ETV6: variants seen among roughly 807,000 people sequenced by gnomAD.
The protein encoded by ETV6 is ETS variant transcription factor 6, also known as transcription factor ETV6.
Under a neutral mutation model 51.1 loss-of-function variants are expected in ETV6, and 16 were observed. The ratio of observed to expected loss-of-function variants is 0.31; its 90% CI spans 0.21 to 0.48. ETV6 has a LOEUF of 0.48. Among genes scored for constraint, ETV6 ranks in the 20% least tolerant of loss-of-function variants. ETV6 has a pLI of 0.99. For missense variants in ETV6, 458 were observed against 594.8 expected (o/e 0.77, Z 2.39); for synonymous variants, 240 against 224.1 (o/e 1.07, Z -0.64).
chr12:11,886,140 C>T, intron 7 of ETV6, 114 bp downstream of exon 7: 1 of 733,236 alleles, frequency 1.4e-6, no homozygotes, highest in Non-Finnish European at 2.4e-6. Context: ...TACCCAAAGC[C>T]AATCATTGCT....
rs1198063881 is a variant in ETV6 at position 11,874,246 on chromosome 12, G to A, written c.1009+4277G>A. ...ACAAAAATTCGTCGGGCATGGTGGT[G>A]CACACCTGTAGTCCCAGCTACCGAG... On this transcript the variant is annotated intron_variant, in intron 5 of 7. Coordinates refer to ENST00000396373, the MANE Select transcript of ETV6 (RefSeq NM_001987.5). Among the ~76,000 whole-genome samples, 2 of 151,744 alleles carry A rather than the reference G, an allele frequency of 1.3e-5. 1 individual carries two copies. The highest frequency in any genetic ancestry group is 4.8e-5 in the African/African-American group (2 of 41,302).
intron 1 of ETV6, among the ~76,000 whole-genome samples, chr12:11,687,031 G>A (rs780760308): frequency 9.9e-5 from 15 of 151,850 alleles, no homozygotes; most frequent in Admixed American, 5.2e-4. Flanking sequence ...GACTACAGGC[G>A]CACACCACTG....
chr12:11,892,981 G>A lies in ETV6; in HGVS notation c.*1935G>A, dbSNP rs968123944. 5.6e-5 allele frequency: 13 copies of A among 232,914 alleles called. 1 individual carries two copies. Among genetic ancestry groups the A allele is most frequent in the South Asian group, 3.6e-4 (2 of 5,526 alleles). The allele number at this position is 232,914 out of a possible 1,614,324, so 14.4% of individuals were successfully genotyped here. ...AGCCAGCCCACTCCTACTGTCACAGGCGCCCCACCATTCAACCTTCCGGGA... is the reference window on the plus strand; with the variant it reads ...AGCCAGCCCACTCCTACTGTCACAGACGCCCCACCATTCAACCTTCCGGGA... On this transcript the variant is annotated 3_prime_UTR_variant, in exon 8 of 8. Transcript: ENST00000396373.
intron 2 of ETV6, among the ~76,000 whole-genome samples, chr12:11,791,424 C>T (rs1009134431): frequency 1.3e-5 from 2 of 152,200 alleles, no homozygotes; most frequent in African/African-American, 4.8e-5. Flanking sequence ...CAAACTAGAG[C>T]TTCTCAGGAG....
At chr12:11,744,993 A>G (rs2121035807) in intron 1 of ETV6, among the ~76,000 whole-genome samples, 1 of 152,222 alleles carries the variant, frequency 6.6e-6, no homozygotes, top group African/African-American at 2.4e-5. Flanking sequence ...AACAATAAAG[A>G]AGTCGATTTA....
chr12:11,785,572 A>G (rs1324514101), intron 2 of ETV6, among the ~76,000 whole-genome samples: 8 of 152,282 alleles, frequency 5.3e-5, no homozygotes, highest in Admixed American at 3.9e-4. Flanking sequence ...TGTTGAATCA[A>G]TTAGGGAATG....
chr12:11,781,972 T>C (rs1945420925), intron 2 of ETV6, among the ~76,000 whole-genome samples: 1 of 152,246 alleles, frequency 6.6e-6, no homozygotes, highest in Admixed American at 6.5e-5. Flanking sequence ...GTTAACTTTA[T>C]AGTTAACAAG....
chr12:11,721,204 A>C (rs987948925), intron 1 of ETV6, among the ~76,000 whole-genome samples: 9 of 152,196 alleles, frequency 5.9e-5, no homozygotes, highest in African/African-American at 1.7e-4. Flanking sequence ...CATAAATCTC[A>C]TTACTGGGTG....
intron 3 of ETV6, among the ~76,000 whole-genome samples, chr12:11,848,884 C>T (rs763732458): frequency 6.6e-6 from 1 of 152,142 alleles, no homozygotes; most frequent in Non-Finnish European, 1.5e-5. Context: ...TTGAATAGTA[C>T]AATAGAAATA....
At chr12:11,714,054 TA>T (rs1865224039) in intron 1 of ETV6, among the ~76,000 whole-genome samples, 2 of 152,306 alleles carry the variant, frequency 1.3e-5, no homozygotes, top group South Asian at 4.1e-4. Flanking sequence ...CATATGACAT[TA>T]AAGCTTGAGA....
intron 1 of ETV6, among the ~76,000 whole-genome samples, chr12:11,724,377 G>T (rs1224588017): frequency 1.3e-5 from 2 of 152,342 alleles, no homozygotes; most frequent in African/African-American, 4.8e-5. Flanking sequence ...CGATCACGTG[G>T]AGTGGGCCTG....
At chr12:11,680,339 T>A (rs1235130567) in intron 1 of ETV6, among the ~76,000 whole-genome samples, 1 of 152,206 alleles carries the variant, frequency 6.6e-6, no homozygotes, top group Non-Finnish European at 1.5e-5. Context: ...TTATTTAGTA[T>A]TTTCATTGTT....
chr12:11,884,621 A>G, intron 6 of ETV6, 34 bp downstream of exon 6: 1 of 1,611,940 alleles, frequency 6.2e-7, no homozygotes, highest in South Asian at 1.1e-5. Context: ...TCCATAAACT[A>G]GTGCCAAAAT....
rs1348520576 is a variant in ETV6 at position 11,650,142 on chromosome 12, T to C, written c.15T>C (p.Pro5=). ...CGCTGTGAGACATGTCTGAGACTCCTGCTCAGTGTAGCATTAAGGTAAAAA... is the reference window on the plus strand; with the variant it reads ...CGCTGTGAGACATGTCTGAGACTCCCGCTCAGTGTAGCATTAAGGTAAAAA... MSET[P]AQCSIKQERI... is the part of the protein sequence containing the mutation. The change falls in exon 1 of 8, where the codon CCT becomes CCC. Residue 5 remains proline (P), a synonymous_variant. Coordinates refer to ENST00000396373, the MANE Select transcript of ETV6 (RefSeq NM_001987.5). 2 of 1,613,732 alleles carry C rather than the reference T, an allele frequency of 1.2e-6. No homozygotes were observed. The highest frequency in any genetic ancestry group is 2.7e-5 in the African/African-American group (2 of 74,908).
In ETV6 at chr12:11,752,580, G is replaced by A. The variant is rs1866056028; in HGVS notation, c.163+1G>A. On this transcript the variant is annotated splice_donor_variant, in intron 2 of 7. Coordinates refer to ENST00000396373, the MANE Select transcript of ETV6 (RefSeq NM_001987.5). LOFTEE classifies it high-confidence loss of function. Reference sequence around the variant, plus strand: ...TCGATCCGCCTGCCTGCGCACCTGCGTGAGTGTTCGTGACCCGAGAGGGAC... The same window carrying A: ...TCGATCCGCCTGCCTGCGCACCTGCATGAGTGTTCGTGACCCGAGAGGGAC... 1.2e-6 allele frequency: 2 copies of A among 1,610,480 alleles called. No homozygotes were observed. Among genetic ancestry groups the A allele is most frequent in the Non-Finnish European group, 1.7e-6 (2 of 1,179,280 alleles).
At chr12:11,770,673 C>G (rs1360060454) in intron 2 of ETV6, among the ~76,000 whole-genome samples, 1 of 152,154 alleles carries the variant, frequency 6.6e-6, no homozygotes, top group South Asian at 2.1e-4. Context: ...TGTCAGGGAC[C>G]CATGCACAAA....
At chr12:11,693,557 T>A (rs1245979075) in intron 1 of ETV6, among the ~76,000 whole-genome samples, 1 of 152,168 alleles carries the variant, frequency 6.6e-6, no homozygotes, top group East Asian at 1.9e-4. Flanking sequence ...GGCTGTTTGC[T>A]TGGATGGTAG....
rs971074464 is a variant in ETV6, at chr12:11,849,561, C to T, written c.329-3866C>T. On this transcript the variant is annotated intron_variant, in intron 3 of 7. Transcript: ENST00000396373. ...AGGGCTGTCTTCATTTACTTAGCAA[C>T]CTGCTATAGACAAGACACATATTCT... is the stretch of plus-strand genomic sequence containing the variant. Among the ~76,000 whole-genome samples, 14 of 152,332 alleles carry T rather than the reference C, an allele frequency of 9.2e-5. 1 individual carries two copies. The highest frequency in any genetic ancestry group is 6.8e-3 in the Middle Eastern group (2 of 294).
At chr12:11,709,084 A>G (rs1865125916) in intron 1 of ETV6, among the ~76,000 whole-genome samples, 1 of 151,962 alleles carries the variant, frequency 6.6e-6, no homozygotes, top group Non-Finnish European at 1.5e-5. Context: ...CCCACCCCCC[A>G]TTGTATTCTA....
Sources: gnomAD v4.1 joint callset for allele counts (sites outside exome capture counted in the v4.1 genomes callset) on GRCh38, gnomAD v4.1.1 for gene constraint, MANE v1.5 for transcripts, NCBI Gene and HGNC (gene_info 2026-07-23, HGNC 2026-07-21) for gene names.